ANO2: variants seen among roughly 807,000 people sequenced by gnomAD.
The protein encoded by ANO2 is anoctamin-2.
ANO2 carries 101 observed loss-of-function variants against 124.2 expected under a neutral mutation model. The ratio of observed to expected loss-of-function variants is 0.81; its 90% CI spans 0.69 to 0.96. The LOEUF is 0.96. ANO2 is among the 40% of genes least tolerant of loss of function. The pLI is 0.00. For synonymous variants in ANO2, 486 were observed against 482.5 expected (o/e 1.01, Z -0.09); for missense variants, 1,293 against 1,274.5 (o/e 1.01, Z -0.22).
intron 7 of ANO2, among the ~76,000 whole-genome samples, chr12:5,817,222 T>C (rs1239338011): frequency 6.6e-6 from 1 of 152,218 alleles, no homozygotes; most frequent in Non-Finnish European, 1.5e-5. Flanking sequence ...TTATTTCATC[T>C]TTACAAAAAC....
intron 10 of ANO2, among the ~76,000 whole-genome samples, chr12:5,754,437 T>C (rs950311140): frequency 2.6e-5 from 4 of 152,152 alleles, no homozygotes; most frequent in African/African-American, 9.6e-5. Context: ...TCAGGAAGAA[T>C]TTGTAAGTCT....
intron 1 of ANO2, among the ~76,000 whole-genome samples, chr12:5,924,504 A>G (rs1382670544): frequency 6.6e-6 from 1 of 152,166 alleles, no homozygotes; most frequent in African/African-American, 2.4e-5. Context: ...CCCTAGGGAG[A>G]CAGCACAGAA....
chr12:5,728,933 A>G (rs951150599), intron 14 of ANO2, among the ~76,000 whole-genome samples: 7 of 152,332 alleles, frequency 4.6e-5, no homozygotes, highest in African/African-American at 1.4e-4. Context: ...GAATATCTAC[A>G]TGCAGAAAAA....
chr12:5,946,208 C>G (rs7138441), upstream of ANO2: 27 of 1,610,022 alleles, frequency 1.7e-5, no homozygotes, highest in South Asian at 2.8e-4. This position sits in a 1 kb window ranked among gnomAD's most constrained non-coding sequence, Gnocchi z 4.1. Flanking sequence ...CATGATAGAT[C>G]CCACTTTATA....
intron 14 of ANO2, among the ~76,000 whole-genome samples, chr12:5,708,551 G>T (rs1949701114): frequency 6.6e-6 from 1 of 152,178 alleles, no homozygotes. Context: ...ACAGCAAAGT[G>T]GTTCAGGGAA....
At chr12:5,705,550 T>A (rs527289799) in intron 14 of ANO2, among the ~76,000 whole-genome samples, 1 of 152,324 alleles carries the variant, frequency 6.6e-6, no homozygotes, top group African/African-American at 2.4e-5. Context: ...CCAAAGGGAA[T>A]GCAATACAAG....
intron 14 of ANO2, among the ~76,000 whole-genome samples, chr12:5,650,060 C>G (rs1946842401): frequency 6.6e-6 from 1 of 152,110 alleles, no homozygotes; most frequent in East Asian, 1.9e-4. Context: ...TTTGAGGGGC[C>G]AGGGAGGGAC....
In ANO2 at chr12:5,921,284, C is replaced by A. The variant is rs1432289504; in HGVS notation, c.290G>T (p.Arg97Met). Reference sequence around the variant, plus strand: ...GTAGGCAAGTACATAGTCGACCTTCCTCTGACTGTCATGGAAGTGCATGCG... The same window carrying A: ...GTAGGCAAGTACATAGTCGACCTTCATCTGACTGTCATGGAAGTGCATGCG... ...LSRMHFHDSQ[R>M]KVDYVLAYHY... Residue 97 changes from arginine (R) to methionine (M), a missense_variant, in exon 3 of 25, where the codon AGG (arginine) becomes ATG (methionine). Physicochemically the swap from Arg to Met is moderately conservative, Grantham distance 91. Coordinates refer to ENST00000682330, the MANE Select transcript of ANO2 (RefSeq NM_001364791.2). 5.0e-6 allele frequency: 8 copies of A among 1,613,902 alleles called. No homozygotes were observed. The highest frequency in any genetic ancestry group is 6.8e-6 in the Non-Finnish European group (8 of 1,179,908).
intron 10 of ANO2, among the ~76,000 whole-genome samples, chr12:5,762,388 G>T (rs868856658): frequency 6.6e-6 from 1 of 151,932 alleles, no homozygotes; most frequent in African/African-American, 2.4e-5. Context: ...TTTATAAAAT[G>T]TTACATAACA....
chr12:5,652,491 T>C (rs1279764850), intron 14 of ANO2, among the ~76,000 whole-genome samples: 1 of 152,178 alleles, frequency 6.6e-6, no homozygotes, highest in Non-Finnish European at 1.5e-5. Context: ...TATTAGTTTT[T>C]ACCTAATATC....
chr12:5,567,283 G>A (rs1941824235), intron 23 of ANO2, among the ~76,000 whole-genome samples: 1 of 152,220 alleles, frequency 6.6e-6, no homozygotes, highest in African/African-American at 2.4e-5. Context: ...GTCCTCAGCT[G>A]AGGACAGAAA....
Position 5,908,570 on chromosome 12 carries a change from T to A in ANO2, c.534+12470A>T, listed in dbSNP as rs970042614. On this transcript the variant is annotated intron_variant, in intron 3 of 24. Coordinates refer to ENST00000682330, the MANE Select transcript of ANO2 (RefSeq NM_001364791.2). This position sits in a 1 kb window ranked among gnomAD's most constrained non-coding sequence, Gnocchi z 4.7. ...TGATGCTCAAGGAATGGTAAACACATTCTGGGAGACATCAGAATGGACCCA... is the reference window on the plus strand; with the variant it reads ...TGATGCTCAAGGAATGGTAAACACAATCTGGGAGACATCAGAATGGACCCA... Among the ~76,000 whole-genome samples, 10 of 152,254 alleles carry A rather than the reference T, an allele frequency of 6.6e-5. No homozygotes were observed. Among genetic ancestry groups the A allele is most frequent in the African/African-American group, 1.9e-4 (8 of 41,554 alleles).
intron 1 of ANO2, among the ~76,000 whole-genome samples, chr12:5,940,602 A>C (rs1418987530): frequency 6.6e-6 from 1 of 152,230 alleles, no homozygotes; most frequent in African/African-American, 2.4e-5. Context: ...GATGGCTATA[A>C]TAAAAAGATG....
chr12:5,830,638 C>T (rs775125058), intron 5 of ANO2, 149 bp from the exon 6 acceptor site: 52 of 498,692 alleles, frequency 1.0e-4, no homozygotes, highest in Admixed American at 1.6e-4. Flanking sequence ...CCCTTCTTGA[C>T]TCAGTAATTC....
intron 16 of ANO2, among the ~76,000 whole-genome samples, chr12:5,620,342 G>C (rs565560235): frequency 6.6e-6 from 1 of 152,312 alleles, no homozygotes; most frequent in African/African-American, 2.4e-5. Context: ...GCAGGGGTGA[G>C]ACCCTAGGAC....
At chr12:5,678,536 A>G (rs866757725) in intron 14 of ANO2, among the ~76,000 whole-genome samples, 10 of 152,194 alleles carry the variant, frequency 6.6e-5, no homozygotes, top group Non-Finnish European at 1.0e-4. Flanking sequence ...AAAGGCAAAG[A>G]CTGGGGACTG....
chr12:5,645,228 A>G (rs115360581), intron 15 of ANO2, among the ~76,000 whole-genome samples: 67 of 152,266 alleles, frequency 4.4e-4, no homozygotes, highest in African/African-American at 1.4e-3. Flanking sequence ...TCCAGCCTGT[A>G]TTGCAGTTTA....
intron 14 of ANO2, among the ~76,000 whole-genome samples, chr12:5,719,308 C>A (rs1003145284): frequency 6.6e-6 from 1 of 152,208 alleles, no homozygotes. Flanking sequence ...CACACACTCA[C>A]ACACTCACAC....
chr12:5,867,802 C>CAAAAAA (rs1195562696), intron 3 of ANO2, among the ~76,000 whole-genome samples: 3 of 80,090 alleles, frequency 3.7e-5, no homozygotes, highest in Non-Finnish European at 9.3e-5. Flanking sequence ...AAAAAAAAAC[C>CAAAAAA]AGTGGATTTG....
Sources: allele counts gnomAD v4.1 joint callset (sites outside exome capture counted in the v4.1 genomes callset), GRCh38; gene constraint gnomAD v4.1.1; non-coding constraint Gnocchi (gnomAD v3.1); transcripts MANE v1.5; gene names NCBI Gene and HGNC (gene_info 2026-07-23, HGNC 2026-07-21).